ERBB4: variants seen among roughly 807,000 people sequenced by gnomAD.
ERBB4 encodes erb-b2 receptor tyrosine kinase 4, also known as receptor tyrosine-protein kinase erbB-4.
In ERBB4, 42 loss-of-function variants were observed where a neutral mutation model predicts 158.0. The observed-to-expected ratio is 0.27, with a 90% CI of 0.21 to 0.34. ERBB4 has a LOEUF of 0.34. Among genes scored for constraint, ERBB4 ranks in the 10% least tolerant of loss-of-function variants. The pLI is 1.00. For missense variants in ERBB4, 1,333 were observed against 1,624.1 expected (o/e 0.82, Z 3.08); for synonymous variants, 583 against 558.7 (o/e 1.04, Z -0.61).
intron 19 of ERBB4, among the ~76,000 whole-genome samples, chr2:211,580,131 C>G (rs996286989): frequency 2.6e-5 from 4 of 152,068 alleles, no homozygotes; most frequent in Admixed American, 2.0e-4. Context: ...TAACAAAATT[C>G]ATTTAGTGAA....
intron 20 of ERBB4, among the ~76,000 whole-genome samples, chr2:211,528,429 C>T (rs1246448835): frequency 6.6e-6 from 1 of 152,036 alleles, no homozygotes; most frequent in African/African-American, 2.4e-5. Context: ...AACACCCCCA[C>T]TTTCAGCATT....
chr2:212,452,195 C>A (rs957220530), intron 1 of ERBB4, among the ~76,000 whole-genome samples: 4 of 151,976 alleles, frequency 2.6e-5, no homozygotes, highest in Admixed American at 6.6e-5. Context: ...AGCCTAATGA[C>A]CTTGCATATT....
intron 4 of ERBB4, among the ~76,000 whole-genome samples, chr2:211,781,176 T>C (rs967132914): frequency 6.6e-6 from 1 of 152,216 alleles, no homozygotes; most frequent in Non-Finnish European, 1.5e-5. Context: ...TTAATTGTAC[T>C]CTATCTCGAG....
chr2:212,184,707 G>C (rs529439071), intron 1 of ERBB4, among the ~76,000 whole-genome samples: 76 of 152,054 alleles, frequency 5.0e-4, no homozygotes, highest in African/African-American at 1.7e-3. Flanking sequence ...TACAATTTTA[G>C]GTAGATTTGG....
At chr2:212,257,304 T>C (rs2084774654) in intron 1 of ERBB4, among the ~76,000 whole-genome samples, 1 of 152,154 alleles carries the variant, frequency 6.6e-6, no homozygotes, top group Admixed American at 6.6e-5. Flanking sequence ...TAAATAAGCT[T>C]GAACTTCATG....
chr2:211,609,913 A>G (rs2069128804), intron 19 of ERBB4, among the ~76,000 whole-genome samples: 1 of 152,324 alleles, frequency 6.6e-6, no homozygotes, highest in East Asian at 1.9e-4. Context: ...AATTGTAGAC[A>G]TAAACCTCTG....
rs567344737 is a variant in ERBB4 at position 211,905,164 on chromosome 2, G to A, written c.421+42266C>T. Among the ~76,000 whole-genome samples the A allele has an allele frequency of 2.0e-5, 3 of 152,132 alleles. No individual in the cohort carries two copies. The South Asian group carries it at 6.2e-4, about 32-fold the overall frequency. ...GGGCTAAAATTAGGATGCTAGCAGG[G>A]TTAGCAGGGTTCTGGAGGGTCCGGA... On this transcript the variant is annotated intron_variant, in intron 3 of 27. Coordinates refer to ENST00000342788, the MANE Select transcript of ERBB4 (RefSeq NM_005235.3).
intron 2 of ERBB4, among the ~76,000 whole-genome samples, chr2:211,966,286 G>A (rs528947718): frequency 2.0e-5 from 3 of 152,232 alleles, no homozygotes; most frequent in African/African-American, 7.2e-5. Context: ...CTGTTGCCCA[G>A]GTTAGAGTGC....
At chr2:212,247,956 C>T (rs1376238710) in intron 1 of ERBB4, among the ~76,000 whole-genome samples, 1 of 151,988 alleles carries the variant, frequency 6.6e-6, no homozygotes, top group Non-Finnish European at 1.5e-5. Flanking sequence ...AGAGTTAGGC[C>T]TCATCTCAAA....
chr2:211,417,462 A>G lies in ERBB4; in HGVS notation c.3135+2979T>C, dbSNP rs972430127. ...GCACTCCAGCCTGGGTGACAGAGTG[A>G]GATCCTGTCTCAAAAAAGAAAAAAT... On this transcript the variant is annotated intron_variant, in intron 25 of 27. Transcript: ENST00000342788. Among the ~76,000 whole-genome samples, 26 of 152,328 alleles carry G rather than the reference A, an allele frequency of 1.7e-4. No individual in the cohort carries two copies. The South Asian group carries it at 2.3e-3, about 13-fold the overall frequency.
At chr2:211,411,933 A>T (rs926748074) in intron 25 of ERBB4, among the ~76,000 whole-genome samples, 4 of 152,170 alleles carry the variant, frequency 2.6e-5, no homozygotes, top group Admixed American at 2.0e-4. Flanking sequence ...AAACACTATT[A>T]TTTAGAAATT....
chr2:211,712,056 A>G lies in ERBB4; in HGVS notation c.1118T>C (p.Ile373Thr). ...NGNLIFLVTG[I>T]HGDPYNAIEA... ...ACAAAAATTTAATACTGACCCATGAATACCAGTGACTAGAAAGATCAAATT... is the reference window on the plus strand; with the variant it reads ...ACAAAAATTTAATACTGACCCATGAGTACCAGTGACTAGAAAGATCAAATT... The change falls in exon 9 of 28, where the codon ATT (isoleucine) becomes ACT (threonine). Residue 373 changes from isoleucine to threonine, a missense_variant. Ile to Thr is a moderately conservative substitution (Grantham distance 89). This residue lies in a region of ERBB4 where 438 missense variants were observed against 586.9 expected (regional missense o/e 0.75). Transcript: ENST00000342788. The G allele has an allele frequency of 6.2e-7, 1 of 1,611,860 alleles. No individual in the cohort carries two copies.
intron 1 of ERBB4, among the ~76,000 whole-genome samples, chr2:212,456,014 T>C (rs1688272301): frequency 6.6e-6 from 1 of 152,058 alleles, no homozygotes. Flanking sequence ...ATTTCAGGTT[T>C]ATTTCACCCT....
chr2:212,044,818 C>G (rs971970012), intron 2 of ERBB4, among the ~76,000 whole-genome samples: 1 of 152,050 alleles, frequency 6.6e-6, no homozygotes, highest in African/African-American at 2.4e-5. Context: ...ATAAATGACC[C>G]TGATTGAAGC....
intron 20 of ERBB4, among the ~76,000 whole-genome samples, chr2:211,499,891 T>C (rs1375255390): frequency 1.3e-5 from 2 of 152,056 alleles, no homozygotes; most frequent in African/African-American, 2.4e-5. Context: ...TCAAGAAATG[T>C]AGGAATGTGT....
intron 20 of ERBB4, among the ~76,000 whole-genome samples, chr2:211,559,294 G>A (rs6759048): frequency 0.3 from 45,535 of 151,886 alleles, 9,315 homozygotes; most frequent in African/African-American, 0.58. Flanking sequence ...TCTAACCTCC[G>A]TACATAGACT....
At chr2:211,533,955 T>A (rs980612344) in intron 20 of ERBB4, among the ~76,000 whole-genome samples, 2 of 152,128 alleles carry the variant, frequency 1.3e-5, no homozygotes, top group Non-Finnish European at 2.9e-5. Flanking sequence ...GACTTTCCTA[T>A]GATTTCTTAT....
chr2:211,596,369 G>A (rs1463294727), intron 19 of ERBB4, among the ~76,000 whole-genome samples: 1 of 152,114 alleles, frequency 6.6e-6, no homozygotes, highest in East Asian at 1.9e-4. Flanking sequence ...ACAGAAAAGA[G>A]GCTTCAAAAT....
chr2:212,483,854 A>C (rs1029803812), intron 1 of ERBB4, among the ~76,000 whole-genome samples: 8 of 152,140 alleles, frequency 5.3e-5, no homozygotes, highest in Admixed American at 3.9e-4. Flanking sequence ...CTCCTGCCTC[A>C]GCCTCCCGAG....
Sources: gnomAD v4.1 joint callset for allele counts (sites outside exome capture counted in the v4.1 genomes callset) on GRCh38, gnomAD v4.1.1 for gene constraint, gnomAD v4.1.1 regional missense constraint, MANE v1.5 for transcripts, NCBI Gene and HGNC (gene_info 2026-07-23, HGNC 2026-07-21) for gene names.